The following MED24 variants were observed in gnomAD, a reference collection of about 807,000 sequenced individuals.
MED24 encodes mediator of RNA polymerase II transcription subunit 24.
MED24 carries 74 observed loss-of-function variants against 118.8 expected under a neutral mutation model. The observed-to-expected ratio is 0.62, with a 90% confidence interval of 0.52 to 0.76. MED24 has a LOEUF of 0.76. Ranked by LOEUF, MED24 falls within the 30% of genes least tolerant of loss-of-function variation. The probability of loss-of-function intolerance (pLI) is 0.00; values close to 1 mark genes in which losing one functional copy is unlikely to be tolerated. For synonymous variants in MED24, 521 were observed against 523.9 expected (o/e 0.99, Z 0.08); for missense variants, 1,041 against 1,278.9 (o/e 0.81, Z 2.84).
At chr17:40,044,699 A>G (rs1984965137) in intron 3 of MED24, among the ~76,000 whole-genome samples, 1 of 151,662 alleles carries the variant, frequency 6.6e-6, no homozygotes, top group Admixed American at 6.6e-5. Flanking sequence ...GGCTAACAAG[A>G]TGAAACGCAT....
intron 19 of MED24, among the ~76,000 whole-genome samples, chr17:40,024,452 T>G (rs1361241657): frequency 6.6e-6 from 1 of 152,138 alleles, no homozygotes; most frequent in Non-Finnish European, 1.5e-5. Context: ...GAGAATCTCT[T>G]GAACCCAGGA....
Position 40,049,243 on chromosome 17 carries a change from T to C in MED24, c.213+4055A>G, listed in dbSNP as rs117959167. ...AAAGGGGTCCTGAGAGCAAACTCCT[T>C]TTCTCTAGCCATACCAAATTATTTT... On this transcript the variant is annotated intron_variant, in intron 3 of 25. Transcript: ENST00000394128. Among the ~76,000 whole-genome samples, 522 of 152,212 alleles carry C rather than the reference T, an allele frequency of 3.4e-3. 2 individuals carry two copies. The highest frequency in any genetic ancestry group is 0.031 in the Middle Eastern group (9 of 294).
intron 12 of MED24, among the ~76,000 whole-genome samples, chr17:40,030,846 A>G (rs539909999): frequency 6.6e-6 from 1 of 152,058 alleles, no homozygotes; most frequent in South Asian, 2.1e-4. Flanking sequence ...TTTAGTAGAC[A>G]TGGGGTTTTG....
intron 13 of MED24, 45 bp from the exon 14 acceptor site, chr17:40,029,013 C>T: frequency 6.2e-7 from 1 of 1,612,790 alleles, no homozygotes. Context: ...CACTGAAGAC[C>T]CCCCACCCAA....
rs189834941 is a variant in MED24 at position 40,027,676 on chromosome 17, T to C, written c.1448-211A>G. On this transcript the variant is annotated intron_variant, in intron 15 of 25. Coordinates refer to ENST00000394128, the MANE Select transcript of MED24 (RefSeq NM_014815.4). ...CCCCAGCACCCTCTCCTGGCATACC[T>C]AACCAAGTCGTAAAGGGATGAGGGG... The C allele has an allele frequency of 3.2e-3, 2,114 of 665,286 alleles. 43 individuals carry two copies. In the Middle Eastern group the frequency reaches 0.071, roughly 22 times the overall value. 41.2% of individuals were successfully genotyped at this position (665,286 alleles called of 1,614,324 possible).
chr17:40,020,385 A>G (rs764819033), intron 23 of MED24, 32 bp from the exon 24 acceptor site: 3 of 1,569,876 alleles, frequency 1.9e-6, no homozygotes, highest in Admixed American at 1.9e-5. Context: ...GCGCTGGGAA[A>G]CAGCCTGCCG....
rs1983582828 is a variant in MED24, at chr17:40,033,211, G to A, written c.672-5C>T. 2.5e-6 allele frequency: 4 copies of A among 1,613,688 alleles called. No individual in the cohort carries two copies. The highest frequency in any genetic ancestry group is 1.6e-4 in the Middle Eastern group (1 of 6,084). On this transcript the variant is annotated splice_polypyrimidine_tract_variant and splice_region_variant and intron_variant, in intron 7 of 25. Transcript: ENST00000394128. This position sits in a 1 kb window ranked among gnomAD's most constrained non-coding sequence, Gnocchi z 5.2. ...ACAGACAGCATCGTGGGGATGCTGA[G>A]GGGTCACAAACACAGGGGACGGTGT...
chr17:40,053,394 A>G lies in MED24; in HGVS notation c.131-14T>C. The G allele has an allele frequency of 6.2e-7, 1 of 1,613,412 alleles. No homozygotes were observed. Among genetic ancestry groups the G allele is most frequent in the Non-Finnish European group, 8.5e-7 (1 of 1,179,414 alleles). ...CTAGTAACGCATCTGCAAGAGGAAT[A>G]GCAAAACACAACTGAGTGATTACAA... On this transcript the variant is annotated splice_polypyrimidine_tract_variant and intron_variant, in intron 2 of 25. Transcript: ENST00000394128.
chr17:40,031,658 C>A lies in MED24; in HGVS notation c.985-38G>T, dbSNP rs202050305. 9.1e-4 allele frequency: 1,431 copies of A among 1,581,002 alleles called. 4 individuals are homozygous for A. Among genetic ancestry groups the A allele is most frequent in the South Asian group, 2.4e-3 (216 of 89,866 alleles). ...AGAAGTGTCCATCTGGTTTCCAGGG[C>A]CACCAGGCCCTGATCATCTCAGGCA... On this transcript the variant is annotated intron_variant, in intron 10 of 25. Transcript: ENST00000394128.
At chr17:40,026,614 G>T in intron 18 of MED24, 33 bp downstream of exon 18, 1 of 1,567,238 alleles carries the variant, frequency 6.4e-7, no homozygotes. Flanking sequence ...CTGTGTCTCA[G>T]GGGAGCAAAC....
At chr17:40,030,685 G>A (rs1278332169) in intron 12 of MED24, among the ~76,000 whole-genome samples, 1 of 150,606 alleles carries the variant, frequency 6.6e-6, no homozygotes, top group Non-Finnish European at 1.5e-5. Flanking sequence ...TTGAGACAAG[G>A]TCTCACTCTA....
In MED24 at chr17:40,022,030, C is replaced by T; in HGVS notation, c.2548G>A (p.Asp850Asn). ...ATCAACTTCGAAGGCTGCACATCGT[C>T]CAGGGGGAAGAGGCTGATATAATCC... ...IEDYISLFPLDDVQPSKLMRL... is the reference protein window; with the variant it reads ...IEDYISLFPLNDVQPSKLMRL... Residue 850 changes from aspartate to asparagine, a missense_variant, in exon 23 of 26, where the codon GAC becomes AAC. By Grantham distance (23) the Asp-to-Asn change is conservative. This residue lies in a region of MED24 where 587 missense variants were observed against 694.4 expected (regional missense o/e 0.85). Transcript: ENST00000394128. 6.2e-7 allele frequency: 1 copy of T among 1,611,014 alleles called. No homozygotes were observed. The highest frequency in any genetic ancestry group is 8.5e-7 in the Non-Finnish European group (1 of 1,178,530).
At chr17:40,050,761 A>T (rs1336534747) in intron 3 of MED24, among the ~76,000 whole-genome samples, 1 of 152,188 alleles carries the variant, frequency 6.6e-6, no homozygotes, top group East Asian at 1.9e-4. Context: ...AAAATTACGT[A>T]TTGGGTACAG....
Position 40,053,655 on chromosome 17 carries a change from G to T in MED24, c.-37-20C>A. ...GGCCAGCTTTGAGGTGAAAGAAATG[G>T]AGCTAAAGAAAAGGACATGAGGTTC... On this transcript the variant is annotated intron_variant, in intron 1 of 25. Transcript: ENST00000394128. The T allele has an allele frequency of 6.2e-7, 1 of 1,612,750 alleles. No individual in the cohort carries two copies. The highest frequency in any genetic ancestry group is 1.7e-4 in the Middle Eastern group (1 of 6,060).
rs761439284 is a variant in MED24 at position 40,035,342 on chromosome 17, C to A, written c.334G>T (p.Gly112Cys). 3 of 1,585,068 alleles carry A rather than the reference C, an allele frequency of 1.9e-6. No individual in the cohort carries two copies. In the Admixed American group the frequency reaches 5.3e-5, roughly 28 times the overall value. ...DMFCDRLSCH[G>C]KAEECIGLCR... ...AGTCCGATGCATTCCTCTGCTTTGC[C>A]GTGACAGCTACAGGGAAGGATGCAA... The change falls in exon 6 of 26, where the codon GGC (glycine) becomes TGC (cysteine). Residue 112 changes from glycine (G) to cysteine (C), a missense_variant. Gly to Cys is a radical substitution (Grantham distance 159). This residue lies in a region of MED24 where 434 missense variants were observed against 514.9 expected (regional missense o/e 0.84). Coordinates refer to ENST00000394128, the MANE Select transcript of MED24 (RefSeq NM_014815.4).
chr17:40,036,922 G>A (rs1005537466), intron 3 of MED24, among the ~76,000 whole-genome samples: 5 of 152,150 alleles, frequency 3.3e-5, no homozygotes, highest in African/African-American at 1.2e-4. Flanking sequence ...GGTGGCTCAC[G>A]TTTGTAATCC....
In MED24 at chr17:40,035,321, C is replaced by T; in HGVS notation, c.355G>A (p.Gly119Arg). 3 of 1,597,838 alleles carry T rather than the reference C, an allele frequency of 1.9e-6. No homozygotes were observed. Among genetic ancestry groups the T allele is most frequent in the Non-Finnish European group, 2.6e-6 (3 of 1,168,370 alleles). ...SCHGKAEECI[G>R]LCRALLSALH... ...GCGCTAAGAAGGGCTCGGCACAGTC[C>T]GATGCATTCCTCTGCTTTGCCGTGA... Residue 119 changes from glycine (G) to arginine (R), a missense_variant, in exon 6 of 26, where the codon GGA becomes AGA. Transcript: ENST00000394128.
In MED24 at chr17:40,033,041, C is replaced by T; in HGVS notation, c.822+15G>A. On this transcript the variant is annotated intron_variant, in intron 8 of 25. Coordinates refer to ENST00000394128, the MANE Select transcript of MED24 (RefSeq NM_014815.4). This position sits in a 1 kb window ranked among gnomAD's most constrained non-coding sequence, Gnocchi z 5.2. ...GCCTGCCTTGGAGAAGGGAGAGCCA[C>T]TCGGCCCCTCCCACCTGCATGCGCT... The T allele has an allele frequency of 6.2e-7, 1 of 1,613,348 alleles. No individual in the cohort carries two copies. The highest frequency in any genetic ancestry group is 8.5e-7 in the Non-Finnish European group (1 of 1,179,908).
chr17:40,019,706 G>A, intron 25 of MED24, 61 bp from the exon 26 acceptor site: 6 of 1,586,410 alleles, frequency 3.8e-6, no homozygotes, highest in Middle Eastern at 1.7e-4. Flanking sequence ...CTGTCCCAGG[G>A]GGAAGGAGGC....
Sources: gnomAD v4.1 joint callset for allele counts (sites outside exome capture counted in the v4.1 genomes callset) on GRCh38, gnomAD v4.1.1 for gene constraint, gnomAD v4.1.1 regional missense constraint, Gnocchi (gnomAD v3.1) non-coding constraint, MANE v1.5 for transcripts, NCBI Gene and HGNC (gene_info 2026-07-23, HGNC 2026-07-21) for gene names.